The following FRMD4B variants were observed in gnomAD, a reference collection of about 807,000 sequenced individuals.
The protein encoded by FRMD4B is FERM domain containing 4B.
FRMD4B carries 74 observed loss-of-function variants against 141.5 expected under a neutral mutation model. That is an observed-to-expected ratio of 0.52 (90% CI 0.43 to 0.63). The LOEUF is 0.63. Ranked by LOEUF, FRMD4B falls within the 30% of genes least tolerant of loss-of-function variation. FRMD4B has a pLI of 0.00. For missense variants in FRMD4B, 1,366 were observed against 1,253.4 expected (o/e 1.09, Z -1.36); for synonymous variants, 506 against 467.9 (o/e 1.08, Z -1.05).
In FRMD4B at chr3:69,287,945, G is replaced by A. The variant is rs1575694887; in HGVS notation, c.417-109C>T. On this transcript the variant is annotated intron_variant, in intron 4 of 22. Coordinates refer to ENST00000398540, the MANE Select transcript of FRMD4B (RefSeq NM_015123.3). Reference sequence around the variant, plus strand: ...CAAGAATTTTGAGAAACCTGAGGAAGGTTGTGCTTTCTTTTCCGTTTTAAA... The same window carrying A: ...CAAGAATTTTGAGAAACCTGAGGAAAGTTGTGCTTTCTTTTCCGTTTTAAA... 13 of 602,208 alleles carry A rather than the reference G, an allele frequency of 2.2e-5. No individual in the cohort carries two copies. In the East Asian group the frequency reaches 3.7e-4, roughly 17 times the overall value. 37.3% of individuals were successfully genotyped at this position (602,208 alleles called of 1,614,324 possible). A position where few individuals can be genotyped will look rare whatever the true frequency, so the allele number is the denominator to read the frequency against.
chr3:69,535,968 C>T (rs1429971906), intron 1 of FRMD4B: 2 of 384,224 alleles, frequency 5.2e-6, no homozygotes, highest in African/African-American at 4.2e-5. Context: ...TCCTTGGCTG[C>T]TCCTGCTGCC....
intron 4 of FRMD4B, chr3:69,292,901 A>C (rs1422102164): frequency 3.4e-6 from 1 of 297,960 alleles, no homozygotes; most frequent in Non-Finnish European, 6.6e-6. Context: ...CTTAAGTTGA[A>C]GCCCATGGTT....
intron 5 of FRMD4B, among the ~76,000 whole-genome samples, chr3:69,256,154 A>G (rs1334793491): frequency 1.3e-5 from 2 of 152,126 alleles, no homozygotes; most frequent in African/African-American, 4.8e-5. Context: ...GGATGCTCTC[A>G]CTTTGGTTTA....
At chr3:69,203,303 G>A (rs1357583125) in intron 11 of FRMD4B, among the ~76,000 whole-genome samples, 2 of 112,448 alleles carry the variant, frequency 1.8e-5, no homozygotes, top group Non-Finnish European at 3.4e-5. Context: ...ATATCTGAGG[G>A]TACTGTCAAA....
chr3:69,359,890 T>C (rs562687541), intron 1 of FRMD4B, among the ~76,000 whole-genome samples: 3 of 152,168 alleles, frequency 2.0e-5, no homozygotes, highest in Non-Finnish European at 4.4e-5. Context: ...ATTTTACAAA[T>C]GGGAAACTGA....
At chr3:69,284,991 A>C (rs1177818976) in intron 5 of FRMD4B, among the ~76,000 whole-genome samples, 3 of 152,024 alleles carry the variant, frequency 2.0e-5, no homozygotes, top group African/African-American at 7.2e-5. Context: ...GTGAAACACC[A>C]TCTCTACTAA....
intron 1 of FRMD4B, among the ~76,000 whole-genome samples, chr3:69,513,602 T>G (rs926255769): frequency 1.3e-5 from 2 of 152,054 alleles, no homozygotes; most frequent in African/African-American, 4.8e-5. Flanking sequence ...ACAAGAAAAC[T>G]ACTGACCAAT....
At chr3:69,520,964 C>T (rs1468223266) in intron 1 of FRMD4B, among the ~76,000 whole-genome samples, 2 of 152,168 alleles carry the variant, frequency 1.3e-5, no homozygotes, top group Non-Finnish European at 2.9e-5. Context: ...TCTAGATATT[C>T]CCATGAGAAT....
chr3:69,299,550 T>C (rs1349635516), intron 4 of FRMD4B, among the ~76,000 whole-genome samples: 1 of 152,162 alleles, frequency 6.6e-6, no homozygotes. Context: ...ATTGTGTAGT[T>C]TGAAAAATGT....
At chr3:69,258,830 G>A (rs1197409486) in intron 5 of FRMD4B, among the ~76,000 whole-genome samples, 1 of 152,044 alleles carries the variant, frequency 6.6e-6, no homozygotes, top group East Asian at 1.9e-4. Flanking sequence ...AACCTGTGGG[G>A]CCATGAGAAA....
rs1202999122 is a variant in FRMD4B at position 69,246,198 on chromosome 3, G to A, written c.581+3028C>T. On this transcript the variant is annotated intron_variant, in intron 7 of 22. Coordinates refer to ENST00000398540, the MANE Select transcript of FRMD4B (RefSeq NM_015123.3). ...AGGCAGGGTGCGATGGCTTGCACCT[G>A]TAATCTCGGCGCTTTGGGAGGCCAA... is the stretch of plus-strand genomic sequence containing the variant. Among the ~76,000 whole-genome samples, 3 of 152,186 alleles carry A rather than the reference G, an allele frequency of 2.0e-5. No individual in the cohort carries two copies. The East Asian group carries it at 5.8e-4, about 29-fold the overall frequency.
chr3:69,471,393 G>A (rs766148613), intron 1 of FRMD4B: 4 of 227,298 alleles, frequency 1.8e-5, no homozygotes, highest in Non-Finnish European at 3.7e-5. Flanking sequence ...TCATGGCAAC[G>A]GTCACTGCTC....
At chr3:69,306,426 A>T (rs1441796504) in intron 3 of FRMD4B, 1 of 152,238 alleles carries the variant, frequency 6.6e-6, no homozygotes, top group Non-Finnish European at 1.5e-5. Context: ...ATTTCTTGGT[A>T]AACAAAGCTT....
intron 11 of FRMD4B, among the ~76,000 whole-genome samples, chr3:69,213,629 G>T (rs2093108694): frequency 6.7e-6 from 1 of 149,094 alleles, no homozygotes; most frequent in Non-Finnish European, 1.5e-5. Flanking sequence ...GTCCTCTACT[G>T]CTTGTTGAAT....
chr3:69,205,164 C>A (rs2093012381), intron 11 of FRMD4B, among the ~76,000 whole-genome samples: 1 of 150,838 alleles, frequency 6.6e-6, no homozygotes, highest in South Asian at 2.1e-4. Flanking sequence ...GGACTGAGTC[C>A]CCCCCCTTTT....
intron 5 of FRMD4B, among the ~76,000 whole-genome samples, chr3:69,253,933 T>A (rs2093478128): frequency 2.0e-5 from 3 of 151,766 alleles, no homozygotes; most frequent in Admixed American, 2.0e-4. Flanking sequence ...TATCAAAAAT[T>A]AGCCAGGTGT....
chr3:69,183,474 A>ATTTTT (rs771537044), intron 19 of FRMD4B, among the ~76,000 whole-genome samples: 4 of 113,252 alleles, frequency 3.5e-5, no homozygotes, highest in African/African-American at 1.1e-4. Flanking sequence ...TTAGAAGTTA[A>ATTTTT]TTTTTTTTTT....
At chr3:69,504,510 C>T (rs1161776720) in intron 1 of FRMD4B, among the ~76,000 whole-genome samples, 1 of 152,144 alleles carries the variant, frequency 6.6e-6, no homozygotes, top group African/African-American at 2.4e-5. Flanking sequence ...CTCCAATGTA[C>T]ATGATGTTTC....
intron 1 of FRMD4B, among the ~76,000 whole-genome samples, chr3:69,314,093 C>T (rs1459323870): frequency 8.3e-6 from 1 of 120,662 alleles, no homozygotes; most frequent in Non-Finnish European, 1.6e-5. Flanking sequence ...GAGCCGAGAT[C>T]GCGCCACTGC....
Sources: gnomAD v4.1 joint callset for allele counts (sites outside exome capture counted in the v4.1 genomes callset) on GRCh38, gnomAD v4.1.1 for gene constraint, MANE v1.5 for transcripts, NCBI Gene and HGNC (gene_info 2026-07-23, HGNC 2026-07-21) for gene names.